BARX2: variants seen among roughly 807,000 people sequenced by gnomAD.
BARX2 encodes the protein BARX homeobox 2.
In BARX2, 11 loss-of-function variants were observed where a neutral mutation model predicts 25.5. The ratio of observed to expected loss-of-function variants is 0.43; its 90% CI spans 0.27 to 0.71. The LOEUF (loss-of-function observed/expected upper bound fraction) is 0.71. BARX2 is among the 30% of genes least tolerant of loss of function. The pLI is 0.19. For synonymous variants in BARX2, 137 were observed against 149.5 expected (o/e 0.92, Z 0.61); for missense variants, 360 against 359.9 (o/e 1.00, Z 0.00).
At chr11:129,431,643 T>C (rs747797985) in intron 1 of BARX2, among the ~76,000 whole-genome samples, 8 of 152,252 alleles carry the variant, frequency 5.3e-5, no homozygotes, top group Non-Finnish European at 1.2e-4. Flanking sequence ...TTTTTAATTG[T>C]CAAACTTTGA....
intron 1 of BARX2, among the ~76,000 whole-genome samples, chr11:129,434,879 A>G (rs1862171711): frequency 6.6e-6 from 1 of 152,204 alleles, no homozygotes; most frequent in African/African-American, 2.4e-5. Context: ...ATATTATTCA[A>G]TGTTGGGTAA....
At chr11:129,450,290 ATT>A (rs1419488468) in intron 3 of BARX2, among the ~76,000 whole-genome samples, 1 of 152,198 alleles carries the variant, frequency 6.6e-6, no homozygotes, top group Non-Finnish European at 1.5e-5. Flanking sequence ...ATGTTTGATC[ATT>A]GTTGAAAGTT....
intron 1 of BARX2, among the ~76,000 whole-genome samples, chr11:129,402,599 A>G (rs1220993395): frequency 6.6e-6 from 1 of 152,248 alleles, no homozygotes; most frequent in Non-Finnish European, 1.5e-5. Flanking sequence ...TGAGCTATTC[A>G]TGAAAATGCT....
upstream of BARX2, among the ~76,000 whole-genome samples, chr11:129,375,328 C>T (rs933851784): frequency 6.6e-6 from 1 of 152,102 alleles, no homozygotes; most frequent in African/African-American, 2.4e-5. This position sits in a 1 kb window ranked among gnomAD's most constrained non-coding sequence, Gnocchi z 4.0. Context: ...GGTGGGTCCT[C>T]GGGGGCACTG....
chr11:129,446,162 G>A (rs1023682862), intron 3 of BARX2, among the ~76,000 whole-genome samples: 4 of 152,090 alleles, frequency 2.6e-5, no homozygotes, highest in African/African-American at 4.8e-5. Context: ...TTTAGTTCCC[G>A]CAGGACCCAC....
intron 1 of BARX2, among the ~76,000 whole-genome samples, chr11:129,400,768 A>G (rs1178667063): frequency 6.6e-6 from 1 of 152,176 alleles, no homozygotes; most frequent in Non-Finnish European, 1.5e-5. Context: ...CATCCAGGCA[A>G]GAGATGACCC....
chr11:129,422,990 A>G (rs1026004793), intron 1 of BARX2, among the ~76,000 whole-genome samples: 1 of 152,126 alleles, frequency 6.6e-6, no homozygotes, highest in African/African-American at 2.4e-5. Context: ...GGCATGAGCC[A>G]CCCTGCCCAG....
At chr11:129,424,244 G>A (rs535169409) in intron 1 of BARX2, among the ~76,000 whole-genome samples, 1 of 152,332 alleles carries the variant, frequency 6.6e-6, no homozygotes, top group South Asian at 2.1e-4. Context: ...TCATCTCAGA[G>A]CCCTTCTGGG....
At chr11:129,386,797 A>G (rs1278113297) in intron 1 of BARX2, among the ~76,000 whole-genome samples, 1 of 152,220 alleles carries the variant, frequency 6.6e-6, no homozygotes, top group African/African-American at 2.4e-5. Context: ...TGTCCTTCCA[A>G]AGGGAAAGTA....
intron 1 of BARX2, among the ~76,000 whole-genome samples, chr11:129,378,478 C>CT (rs1434973265): frequency 6.6e-6 from 1 of 151,222 alleles, no homozygotes; most frequent in Admixed American, 6.6e-5. Context: ...TGAATGTAAT[C>CT]TTTTTTCTTA....
At chr11:129,389,391 A>G (rs58935614) in intron 1 of BARX2, among the ~76,000 whole-genome samples, 12,141 of 152,150 alleles carry the variant, frequency 0.08, 563 homozygotes, top group African/African-American at 0.13. Flanking sequence ...ACCCCTTGCA[A>G]CCTGGGTGGT....
chr11:129,421,120 G>T (rs2135403470), intron 1 of BARX2, among the ~76,000 whole-genome samples: 1 of 152,266 alleles, frequency 6.6e-6, no homozygotes, highest in Non-Finnish European at 1.5e-5. Context: ...AACTGTCTTT[G>T]GTCCTGGTAG....
intron 1 of BARX2, among the ~76,000 whole-genome samples, chr11:129,378,882 C>G (rs985198104): frequency 1.3e-5 from 2 of 150,932 alleles, no homozygotes; most frequent in Non-Finnish European, 2.9e-5. Context: ...ACAGTTCATG[C>G]TCTGTGGATT....
At chr11:129,407,797 T>G (rs991159232) in intron 1 of BARX2, among the ~76,000 whole-genome samples, 4 of 152,028 alleles carry the variant, frequency 2.6e-5, no homozygotes, top group African/African-American at 7.2e-5. Flanking sequence ...TAAAAATGCA[T>G]GCAAGATGCT....
intron 1 of BARX2, among the ~76,000 whole-genome samples, chr11:129,384,592 G>C (rs1861601079): frequency 6.6e-6 from 1 of 152,198 alleles, no homozygotes. Context: ...ATCTAAGGGA[G>C]CTGACTTTGC....
At position 129,452,167 on chromosome 11, in the gene BARX2, A is replaced by AAAAC. The variant is rs1404464927; in HGVS notation, c.*767_*770dup. ...ATCACCAAGATCTGATTTTTCATAA[A>AAAAC]AAACATTTGTGACCTTCGGCATAAA... On this transcript the variant is annotated 3_prime_UTR_variant, in exon 4 of 4. Coordinates refer to ENST00000281437, the MANE Select transcript of BARX2 (RefSeq NM_003658.5). 5.3e-5 allele frequency: 8 copies of AAAAC among 152,130 alleles called. No homozygotes were observed. Among genetic ancestry groups the AAAAC allele is most frequent in the Non-Finnish European group, 1.0e-4 (7 of 68,020 alleles). 9.4% of individuals were successfully genotyped at this position (152,130 alleles called of 1,614,324 possible). A position where few individuals can be genotyped will look rare whatever the true frequency, so the allele number is the denominator to read the frequency against.
At position 129,444,514 on chromosome 11, in the gene BARX2, T is replaced by C. The variant is rs78622109; in HGVS notation, c.573+1595T>C. On this transcript the variant is annotated intron_variant, in intron 3 of 3. Coordinates refer to ENST00000281437, the MANE Select transcript of BARX2 (RefSeq NM_003658.5). ...TTTGTGTCTCTTGTGAGCCATTCCT[T>C]GTCCTAGGCACTATAAGAAGTAATT... Among the ~76,000 whole-genome samples, 72 of 152,336 alleles carry C rather than the reference T, an allele frequency of 4.7e-4. 1 individual carries two copies. In the East Asian group the frequency reaches 0.013, roughly 28 times the overall value.
chr11:129,445,138 T>C lies in BARX2; in HGVS notation c.573+2219T>C, dbSNP rs73570847. Reference sequence around the variant, plus strand: ...GCACACATGGACACCTTTTGGGGGATTGGTCTCTAAAGAACTAGACTTGAG... The same window carrying C: ...GCACACATGGACACCTTTTGGGGGACTGGTCTCTAAAGAACTAGACTTGAG... On this transcript the variant is annotated intron_variant, in intron 3 of 3. Coordinates refer to ENST00000281437, the MANE Select transcript of BARX2 (RefSeq NM_003658.5). Among the ~76,000 whole-genome samples, 300 of 152,314 alleles carry C rather than the reference T, an allele frequency of 2.0e-3. 1 individual carries two copies. The highest frequency in any genetic ancestry group is 6.8e-3 in the African/African-American group (283 of 41,580).
Position 129,451,195 on chromosome 11 carries a change from C to T in BARX2, c.633C>T (p.Ser211=). ...TKPKGRPKKN[S]IPTSEEIEAE... ...CCAAAGGTCGCCCCAAGAAGAACTCCATCCCCACATCAGAAGAGATTGAAG... is the reference window on the plus strand; with the variant it reads ...CCAAAGGTCGCCCCAAGAAGAACTCTATCCCCACATCAGAAGAGATTGAAG... Residue 211 remains serine, a synonymous_variant, in exon 4 of 4, where the codon TCC becomes TCT. Transcript: ENST00000281437. 6.2e-7 allele frequency: 1 copy of T among 1,614,132 alleles called. No homozygotes were observed. The highest frequency in any genetic ancestry group is 8.5e-7 in the Non-Finnish European group (1 of 1,180,024).
Sources: allele counts gnomAD v4.1 joint callset (sites outside exome capture counted in the v4.1 genomes callset), GRCh38; gene constraint gnomAD v4.1.1; non-coding constraint Gnocchi (gnomAD v3.1); transcripts MANE v1.5; gene names NCBI Gene and HGNC (gene_info 2026-07-23, HGNC 2026-07-21).